Variants in ANKS1A observed in about 807,000 individuals in gnomAD.
ANKS1A encodes the protein ankyrin repeat and sterile alpha motif domain containing 1A, also known as ankyrin repeat and SAM domain-containing protein 1A.
A neutral mutation model predicts 120.3 loss-of-function variants in ANKS1A; 55 were observed. The ratio of observed to expected loss-of-function variants is 0.46; its 90% CI spans 0.37 to 0.57. The LOEUF is 0.57. ANKS1A is among the 20% of genes least tolerant of loss of function. The pLI is 0.00. For synonymous variants in ANKS1A, 590 were observed against 604.7 expected (o/e 0.98, Z 0.36); for missense variants, 1,123 against 1,480.3 (o/e 0.76, Z 3.96).
In ANKS1A at chr6:35,012,505, A is replaced by G. The variant is rs571803029; in HGVS notation, c.1424-4968A>G. On this transcript the variant is annotated intron_variant, in intron 10 of 23. Coordinates refer to ENST00000360359, the MANE Select transcript of ANKS1A (RefSeq NM_015245.3). ...CTAATGATACGGAGAACACAAAACA[A>G]TATGAGACACTGGGTCCCCCAGCCT... is the stretch of plus-strand genomic sequence containing the variant. Among the ~76,000 whole-genome samples the G allele has an allele frequency of 7.2e-5, 11 of 152,366 alleles. No homozygotes were observed. The South Asian group carries it at 2.3e-3, about 32-fold the overall frequency.
chr6:34,979,120 C>T (rs1251969095), intron 3 of ANKS1A, among the ~76,000 whole-genome samples: 1 of 152,076 alleles, frequency 6.6e-6, no homozygotes, highest in Non-Finnish European at 1.5e-5. Flanking sequence ...TGGTCTCGAT[C>T]TCATGACCTC....
At chr6:34,906,202 A>C (rs1426594067) in intron 1 of ANKS1A, among the ~76,000 whole-genome samples, 1 of 152,184 alleles carries the variant, frequency 6.6e-6, no homozygotes, top group Non-Finnish European at 1.5e-5. Flanking sequence ...GGTCCAAGGA[A>C]AGGTGCATCA....
chr6:35,094,427 G>A (rs1461099031), downstream of ANKS1A, among the ~76,000 whole-genome samples: 1 of 146,830 alleles, frequency 6.8e-6, no homozygotes, highest in East Asian at 2.0e-4. Context: ...GCAAAAGAGT[G>A]AGACTTCGTC....
chr6:34,950,667 C>T (rs2127492662), intron 1 of ANKS1A, among the ~76,000 whole-genome samples: 1 of 152,146 alleles, frequency 6.6e-6, no homozygotes, highest in African/African-American at 2.4e-5. Context: ...TTAAAGGAAA[C>T]ATCAAGGCTA....
chr6:35,084,265 G>A lies in ANKS1A; in HGVS notation c.3132+7G>A. On this transcript the variant is annotated splice_region_variant and intron_variant, in intron 21 of 23. Transcript: ENST00000360359. The surrounding 1 kb of genome is among the most constrained non-coding windows in gnomAD (Gnocchi z 4.8). The stretch of plus-strand genomic sequence containing the variant: ...GTTCAGCACCGTGGATGTGGTGGGT[G>A]GGGTCCTGGGGCCGGGTGGGGCAGG... 2 of 1,613,694 alleles carry A rather than the reference G, an allele frequency of 1.2e-6. No homozygotes were observed. The highest frequency in any genetic ancestry group is 2.2e-5 in the East Asian group (1 of 44,882).
At chr6:34,961,380 C>T (rs748284228) in intron 1 of ANKS1A, among the ~76,000 whole-genome samples, 5 of 152,178 alleles carry the variant, frequency 3.3e-5, no homozygotes, top group African/African-American at 7.2e-5. Flanking sequence ...TCTCCAGTTT[C>T]GTTTAGATTT....
At chr6:34,941,312 T>G (rs1341898169) in intron 1 of ANKS1A, among the ~76,000 whole-genome samples, 2 of 151,174 alleles carry the variant, frequency 1.3e-5, no homozygotes, top group Non-Finnish European at 2.9e-5. Flanking sequence ...TATTTTTAGA[T>G]TTTTTTCCAT....
At chr6:35,015,745 G>A (rs919328396) in intron 10 of ANKS1A, among the ~76,000 whole-genome samples, 5 of 152,222 alleles carry the variant, frequency 3.3e-5, no homozygotes, top group African/African-American at 9.6e-5. Flanking sequence ...TGTGAGAGCT[G>A]GTTGTTGAGA....
chr6:35,076,305 G>C (rs1424248662), intron 13 of ANKS1A, among the ~76,000 whole-genome samples: 1 of 152,162 alleles, frequency 6.6e-6, no homozygotes, highest in Admixed American at 6.5e-5. Flanking sequence ...CCAGCTACTT[G>C]GGAGGCTGAG....
Position 35,088,801 on chromosome 6 carries a change from GGA to G in ANKS1A, c.*195_*196del. ...GCAGAACGAGCCCTGCCTTGGCTGT[GGA>G]GAAGCACTCCAGGCCGCTAGCAGAT... On this transcript the variant is annotated 3_prime_UTR_variant, in exon 24 of 24. Coordinates refer to ENST00000360359, the MANE Select transcript of ANKS1A (RefSeq NM_015245.3). 1 of 1,504,994 alleles carries G rather than the reference GGA, an allele frequency of 6.6e-7. No homozygotes were observed. Among genetic ancestry groups the G allele is most frequent in the Non-Finnish European group, 8.9e-7 (1 of 1,128,040 alleles). The allele number at this position is 1,504,994 out of a possible 1,614,324, so 93.2% of individuals were successfully genotyped here.
At chr6:34,945,266 TG>T (rs753693331) in intron 1 of ANKS1A, among the ~76,000 whole-genome samples, 1 of 152,074 alleles carries the variant, frequency 6.6e-6, no homozygotes, top group African/African-American at 2.4e-5. Flanking sequence ...TTTGTAGAAA[TG>T]GAGTCTCCCA....
rs143591678 is a variant in ANKS1A at position 34,980,054 on chromosome 6, G to A, written c.436-1636G>A. The stretch of plus-strand genomic sequence containing the variant: ...GCCTTCCAAATGGGTATCCTAAAAG[G>A]TTTGTTTGGCACAGGGAGGACCTCA... On this transcript the variant is annotated intron_variant, in intron 3 of 23. Coordinates refer to ENST00000360359, the MANE Select transcript of ANKS1A (RefSeq NM_015245.3). Among the ~76,000 whole-genome samples the A allele has an allele frequency of 2.0e-3, 303 of 152,328 alleles. 4 individuals are homozygous for A. The highest frequency in any genetic ancestry group is 6.8e-3 in the African/African-American group (283 of 41,576).
At chr6:34,998,359 G>A (rs1248379629) in intron 10 of ANKS1A, among the ~76,000 whole-genome samples, 3 of 148,246 alleles carry the variant, frequency 2.0e-5, no homozygotes, top group African/African-American at 7.5e-5. Flanking sequence ...GTGTGAGGGT[G>A]GTGAGGGAAG....
intron 3 of ANKS1A, among the ~76,000 whole-genome samples, chr6:34,978,805 CAAAA>C (rs67799235): frequency 3.6e-4 from 35 of 96,876 alleles, no homozygotes; most frequent in Admixed American, 1.6e-3. Context: ...AACTCCGTCT[CAAAA>C]AAAAAAAAAA....
chr6:34,973,887 ACTTCC>A (rs1771322947), intron 3 of ANKS1A, among the ~76,000 whole-genome samples: 1 of 10,832 alleles, frequency 9.2e-5, no homozygotes, highest in Admixed American at 1.0e-3. Context: ...CTTCCCCTTC[ACTTCC>A]CCTTCCCTTC....
chr6:34,988,202 A>G (rs1252979623), intron 8 of ANKS1A, among the ~76,000 whole-genome samples: 1 of 152,244 alleles, frequency 6.6e-6, no homozygotes, highest in African/African-American at 2.4e-5. Flanking sequence ...ATTTATTTAC[A>G]TATCATCTGT....
At chr6:34,969,520 G>A (rs1771075010) in intron 2 of ANKS1A, among the ~76,000 whole-genome samples, 3 of 152,204 alleles carry the variant, frequency 2.0e-5, no homozygotes, top group Admixed American at 2.0e-4. Context: ...CTTCCAAAGT[G>A]CTGGGATTAC....
rs11458954 is a variant in ANKS1A at position 35,084,492 on chromosome 6, C to CTTT, written c.3132+249_3132+251dup. 0.049 allele frequency among the ~76,000 whole-genome samples: 6,749 copies of CTTT among 138,438 alleles called. 315 individuals are homozygous for CTTT. The highest frequency in any genetic ancestry group is 0.12 in the African/African-American group (4,660 of 37,320). The allele number at this position is 138,438 out of a possible 152,430, so 90.8% of individuals were successfully genotyped here. A position where few individuals can be genotyped will look rare whatever the true frequency, so the allele number is the denominator to read the frequency against. On this transcript the variant is annotated intron_variant, in intron 21 of 23. Transcript: ENST00000360359. The surrounding 1 kb of genome is among the most constrained non-coding windows in gnomAD (Gnocchi z 4.8). ...GGGCACTAGGGACAGGAGGTTCCAG[C>CTTT]TTTTTTTTTTTTTTTTTAAGAGATG...
At chr6:35,041,062 G>A (rs764907360) in intron 11 of ANKS1A, among the ~76,000 whole-genome samples, 12 of 152,240 alleles carry the variant, frequency 7.9e-5, no homozygotes, top group Non-Finnish European at 1.5e-4. Context: ...GCGGAAAATA[G>A]CCAATAAATA....
Sources: allele counts gnomAD v4.1 joint callset (sites outside exome capture counted in the v4.1 genomes callset), GRCh38; gene constraint gnomAD v4.1.1; non-coding constraint Gnocchi (gnomAD v3.1); transcripts MANE v1.5; gene names NCBI Gene and HGNC (gene_info 2026-07-23, HGNC 2026-07-21).